The following MSN variants were observed in gnomAD, a reference collection of about 807,000 sequenced individuals.
MSN encodes moesin.
Under a neutral mutation model 48.0 loss-of-function variants are expected in MSN, and 2 were observed. That is an observed-to-expected ratio of 0.04 (90% CI 0.02 to 0.13). The LOEUF (loss-of-function observed/expected upper bound fraction) is 0.13. MSN is among the 10% of genes least tolerant of loss of function. The probability of loss-of-function intolerance (pLI) is 1.00; values close to 1 mark genes in which losing one functional copy is unlikely to be tolerated. For missense variants in MSN, 267 were observed against 470.1 expected (o/e 0.57, Z 3.99); for synonymous variants, 146 against 166.9 (o/e 0.87, Z 0.97).
In MSN at chrX:65,695,462, C is replaced by G. The variant is rs866656432; in HGVS notation, c.13-21356C>G. On this transcript the variant is annotated intron_variant, in intron 1 of 12. Transcript: ENST00000360270. ...TTGCAGTTAGCCGAGATCATGAGAT[C>G]GTGCCATTGCACTCCAGGCTGGGCT... is the stretch of plus-strand genomic sequence containing the variant. 3.3e-5 allele frequency among the ~76,000 whole-genome samples: 3 copies of G among 90,575 alleles called. No individual in the cohort carries two copies. The Admixed American group carries it at 4.1e-4, about 12-fold the overall frequency. The allele number at this position is 90,575 out of a possible 115,157, so 78.7% of individuals were successfully genotyped here. A position where few individuals can be genotyped will look rare whatever the true frequency, so the allele number is the denominator to read the frequency against.
At chrX:65,738,903 C>T (rs2071708061) in intron 11 of MSN, 67 bp from the exon 12 acceptor site, 3 of 1,104,018 alleles carry the variant, frequency 2.7e-6, no homozygotes, top group South Asian at 1.9e-5. Flanking sequence ...CCGTTCTAGG[C>T]ATATACAGGA....
chrX:65,732,779 CA>C (rs1369531374), intron 6 of MSN, among the ~76,000 whole-genome samples: 1 of 112,310 alleles, frequency 8.9e-6, no homozygotes, highest in African/African-American at 3.2e-5. Flanking sequence ...CAAACAAATA[CA>C]TAACAAAACA....
chrX:65,621,545 C>T (rs2070446390), intron 1 of MSN, among the ~76,000 whole-genome samples: 2 of 111,364 alleles, frequency 1.8e-5, no homozygotes, highest in Admixed American at 9.6e-5. Flanking sequence ...GAAAAATGTC[C>T]TCCAACTTTC....
chrX:65,649,106 G>A (rs956259405), intron 1 of MSN, among the ~76,000 whole-genome samples: 5 of 108,127 alleles, frequency 4.6e-5, no homozygotes, highest in Middle Eastern at 4.3e-3. Flanking sequence ...AATGGTTGCC[G>A]AAAGGCAGAG....
Position 65,635,103 on chromosome X carries a change from T to C in MSN, c.-22+46491T>C, listed in dbSNP as rs2070588856. On this transcript the variant is annotated intron_variant, in intron 1 of 3. Transcript: ENST00000609672. ...TATACTTTTTCCCATATCTCTTTTT[T>C]TTCTTGTCCGCTGTATTCTTTCCTA... Among the ~76,000 whole-genome samples the C allele has an allele frequency of 4.5e-5, 5 of 112,293 alleles. No homozygotes were observed. In the South Asian group the frequency reaches 1.8e-3, roughly 41 times the overall value.
intron 1 of MSN, among the ~76,000 whole-genome samples, chrX:65,648,794 C>T (rs1255745842): frequency 4.6e-5 from 5 of 109,568 alleles, no homozygotes; most frequent in African/African-American, 1.0e-4. Context: ...ACCTGGGAGG[C>T]GGAAGTTGCA....
chrX:65,735,086 C>T (rs767217856), intron 7 of MSN, among the ~76,000 whole-genome samples, 181 bp from the exon 8 acceptor site: 11 of 112,103 alleles, frequency 9.8e-5, no homozygotes, highest in Non-Finnish European at 1.7e-4. Context: ...AGTCTTGGGT[C>T]TGTCTACTGT....
intron 1 of MSN, among the ~76,000 whole-genome samples, chrX:65,599,476 T>C (rs749416400): frequency 1.8e-5 from 2 of 109,467 alleles, no homozygotes; most frequent in Non-Finnish European, 3.8e-5. Flanking sequence ...CTACTAAAAA[T>C]ACAAAAATTA....
In MSN at chrX:65,731,058, G is replaced by A. The variant is rs748603157; in HGVS notation, c.468-49G>A. On this transcript the variant is annotated intron_variant, in intron 4 of 12. Coordinates refer to ENST00000360270, the MANE Select transcript of MSN (RefSeq NM_002444.3). ...GCTAAATGGGCTTCCCTTCTCTCCTGCACAGGGACTTTGTGCTTTAAACTA... is the reference window on the plus strand; with the variant it reads ...GCTAAATGGGCTTCCCTTCTCTCCTACACAGGGACTTTGTGCTTTAAACTA... The A allele has an allele frequency of 8.4e-6, 9 of 1,073,700 alleles. No individual in the cohort carries two copies. In the South Asian group the frequency reaches 1.8e-4, roughly 22 times the overall value. The allele number at this position is 1,073,700 out of a possible 1,213,427, so 88.5% of individuals were successfully genotyped here.
intron 3 of MSN, among the ~76,000 whole-genome samples, chrX:65,728,148 C>G (rs776037447): frequency 8.9e-6 from 1 of 112,019 alleles, no homozygotes; most frequent in African/African-American, 3.2e-5. Context: ...AGAAGAGACT[C>G]TTTTCTTTCT....
At chrX:65,687,338 ACT>A (rs1206491335) in intron 1 of MSN, among the ~76,000 whole-genome samples, 1 of 111,094 alleles carries the variant, frequency 9.0e-6, no homozygotes, top group Non-Finnish European at 1.9e-5. Flanking sequence ...ACAGAGCGAG[ACT>A]CTCTCAAAAA....
At chrX:65,589,309 C>T (rs774410226) in intron 1 of MSN, among the ~76,000 whole-genome samples, 72 of 109,393 alleles carry the variant, frequency 6.6e-4, no homozygotes, top group African/African-American at 2.3e-3. Context: ...TGTAACTTTC[C>T]CTGCTGTATA....
chrX:65,726,442 T>C (rs897237484), intron 2 of MSN, among the ~76,000 whole-genome samples: 5 of 111,726 alleles, frequency 4.5e-5, no homozygotes, highest in African/African-American at 1.6e-4. Flanking sequence ...TTGTTTACTG[T>C]TCAGCGCCTG....
chrX:65,694,399 C>T (rs1025345893), intron 1 of MSN, among the ~76,000 whole-genome samples: 2 of 109,176 alleles, frequency 1.8e-5, no homozygotes, highest in South Asian at 8.1e-4. Flanking sequence ...GCACGATCTC[C>T]GCTCACTGCA....
intron 2 of MSN, among the ~76,000 whole-genome samples, chrX:65,717,746 G>A (rs2071480744): frequency 5.4e-5 from 6 of 111,665 alleles, no homozygotes; most frequent in Admixed American, 4.7e-4. Flanking sequence ...ACCAGACTCC[G>A]ATGAAGTGGA....
At chrX:65,717,545 G>A (rs1336082076) in intron 2 of MSN, among the ~76,000 whole-genome samples, 1 of 112,024 alleles carries the variant, frequency 8.9e-6, no homozygotes, top group Non-Finnish European at 1.9e-5. Flanking sequence ...CAACCCAAGG[G>A]GTGTCCCTTC....
At chrX:65,654,490 A>G (rs1471159271) in intron 1 of MSN, among the ~76,000 whole-genome samples, 1 of 109,824 alleles carries the variant, frequency 9.1e-6, no homozygotes, top group East Asian at 2.8e-4. Context: ...AGCTATTATT[A>G]TTACCCCAAT....
intron 2 of MSN, among the ~76,000 whole-genome samples, chrX:65,717,256 T>C (rs905820947): frequency 1.8e-5 from 2 of 112,122 alleles, no homozygotes; most frequent in African/African-American, 6.5e-5. Flanking sequence ...AGAAGTTAAA[T>C]AACTTAATTG....
intron 1 of MSN, among the ~76,000 whole-genome samples, chrX:65,700,129 A>G (rs940080089): frequency 8.9e-6 from 1 of 112,022 alleles, no homozygotes; most frequent in African/African-American, 3.3e-5. Context: ...TTGCAGGAGA[A>G]AGGAACTAAA....
Sources: allele counts gnomAD v4.1 joint callset (sites outside exome capture counted in the v4.1 genomes callset), GRCh38; gene constraint gnomAD v4.1.1; transcripts MANE v1.5; gene names NCBI Gene and HGNC (gene_info 2026-07-23, HGNC 2026-07-21).